SAMD4A: variants seen among roughly 807,000 people sequenced by gnomAD.
SAMD4A encodes sterile alpha motif domain containing 4A.
In SAMD4A, 33 loss-of-function variants were observed where a neutral mutation model predicts 81.3. The ratio of observed to expected loss-of-function variants is 0.41; its 90% CI spans 0.31 to 0.54. The LOEUF is 0.54. Among genes scored for constraint, SAMD4A ranks in the 20% least tolerant of loss-of-function variants. The probability of loss-of-function intolerance (pLI) is 0.37; values close to 1 mark genes in which losing one functional copy is unlikely to be tolerated. For missense variants in SAMD4A, 854 were observed against 951.1 expected (o/e 0.90, Z 1.34); for synonymous variants, 389 against 382.1 (o/e 1.02, Z -0.21).
chr14:54,566,371 C>G (rs1309872974), upstream of SAMD4A, among the ~76,000 whole-genome samples: 1 of 151,776 alleles, frequency 6.6e-6, no homozygotes, highest in African/African-American at 2.4e-5. Context: ...GGGTCCCCTC[C>G]CCGGGGGCTT....
chr14:54,606,233 G>A (rs1051470510), intron 2 of SAMD4A, among the ~76,000 whole-genome samples: 1 of 151,816 alleles, frequency 6.6e-6, no homozygotes, highest in African/African-American at 2.4e-5. Flanking sequence ...GCACGTGCAC[G>A]TGTGCGCTCA....
chr14:54,788,932 C>T lies in SAMD4A; in HGVS notation c.2145C>T (p.Thr715=), dbSNP rs533822905. 2 of 1,614,214 alleles carry T rather than the reference C, an allele frequency of 1.2e-6. No homozygotes were observed. Among genetic ancestry groups the T allele is most frequent in the African/African-American group, 1.3e-5 (1 of 75,058 alleles). The change falls in exon 13 of 13, where the codon ACC becomes ACT. Residue 715 remains threonine (T), a synonymous_variant. Coordinates refer to ENST00000554335, the MANE Select transcript of SAMD4A (RefSeq NM_015589.6). ...CTCTCCCAGACGGGGTTGACCGGAC[C>T]TCCACCATCTAGAAGCTGAAGACGA... ...EHALGDGVDR[T]STI
chr14:54,594,977 C>T (rs1261083163), intron 2 of SAMD4A, among the ~76,000 whole-genome samples: 2 of 152,128 alleles, frequency 1.3e-5, no homozygotes, highest in Admixed American at 1.3e-4. Flanking sequence ...ATAATGAAGA[C>T]AATGACATTT....
intron 2 of SAMD4A, among the ~76,000 whole-genome samples, chr14:54,585,265 C>G (rs548586332): frequency 7.2e-5 from 11 of 152,208 alleles, no homozygotes; most frequent in African/African-American, 2.6e-4. Context: ...TAAACCAAAC[C>G]CTTACACTTG....
chr14:54,626,059 T>TGTGTGTGTGCGCGCGC (rs368142521), intron 2 of SAMD4A, among the ~76,000 whole-genome samples: 8 of 102,096 alleles, frequency 7.8e-5, no homozygotes, highest in Non-Finnish European at 1.4e-4. Flanking sequence ...TGTGTGTGTG[T>TGTGTGTGTGCGCGCGC]GCGCGCGCGC....
At chr14:54,700,131 G>A (rs942218097) in intron 2 of SAMD4A, among the ~76,000 whole-genome samples, 2 of 152,102 alleles carry the variant, frequency 1.3e-5, no homozygotes, top group African/African-American at 4.8e-5. Flanking sequence ...CACCCACATT[G>A]CTCTAACATG....
At chr14:54,784,735 AG>A (rs2039090510) in intron 12 of SAMD4A, 115 bp downstream of exon 12, 1 of 888,652 alleles carries the variant, frequency 1.1e-6, no homozygotes. Flanking sequence ...GAGGACAAGG[AG>A]GGGTAGGCAG....
At chr14:54,711,858 G>A (rs781291470) in intron 3 of SAMD4A, among the ~76,000 whole-genome samples, 1 of 152,016 alleles carries the variant, frequency 6.6e-6, no homozygotes, top group Non-Finnish European at 1.5e-5. Context: ...GATCTGCTAC[G>A]GGAAAAAAAC....
intron 2 of SAMD4A, chr14:54,693,911 A>G (rs11627521): frequency 0.46 from 70,121 of 152,074 alleles, 17,555 homozygotes; most frequent in Non-Finnish European, 0.56. Flanking sequence ...GACAGATAAG[A>G]TCTCATTAGG....
chr14:54,748,687 G>T, intron 4 of SAMD4A, 128 bp from the exon 5 acceptor site: 4 of 644,492 alleles, frequency 6.2e-6, no homozygotes, highest in Non-Finnish European at 8.3e-6. Flanking sequence ...TAACATAAAG[G>T]TGTTACTTTT....
At chr14:54,662,494 C>G (rs2035665614) in intron 2 of SAMD4A, among the ~76,000 whole-genome samples, 2 of 151,364 alleles carry the variant, frequency 1.3e-5, no homozygotes, top group Admixed American at 1.3e-4. Flanking sequence ...ACTGCAACCT[C>G]CACCTCCCAG....
intron 3 of SAMD4A, among the ~76,000 whole-genome samples, chr14:54,708,651 G>A (rs904182024): frequency 6.6e-6 from 1 of 152,196 alleles, no homozygotes; most frequent in Admixed American, 6.5e-5. Context: ...AAACCCTTGA[G>A]GTTGGAGAAA....
chr14:54,590,611 C>T (rs1314629807), intron 2 of SAMD4A, among the ~76,000 whole-genome samples: 1 of 152,200 alleles, frequency 6.6e-6, no homozygotes, highest in East Asian at 1.9e-4. Context: ...CCTCTCCTCT[C>T]CTCTCTTCTC....
intron 4 of SAMD4A, among the ~76,000 whole-genome samples, chr14:54,741,216 C>A (rs1171543463): frequency 6.6e-6 from 1 of 152,166 alleles, no homozygotes; most frequent in East Asian, 1.9e-4. Flanking sequence ...TGCTCTGTTG[C>A]CTCTTGTCTC....
At chr14:54,604,817 A>G (rs2034155976) in intron 2 of SAMD4A, among the ~76,000 whole-genome samples, 1 of 152,278 alleles carries the variant, frequency 6.6e-6, no homozygotes, top group South Asian at 2.1e-4. Context: ...GATTAATAAG[A>G]TGAATGCCCC....
intron 2 of SAMD4A, 55 bp from the exon 3 acceptor site, chr14:54,702,007 T>C: frequency 1.3e-6 from 2 of 1,563,178 alleles, no homozygotes; most frequent in East Asian, 2.2e-5. Context: ...AGAGTATCTG[T>C]TTAGAGTCAC....
rs546054331 is a variant in SAMD4A at position 54,661,888 on chromosome 14, A to C, written c.197-40174A>C. On this transcript the variant is annotated intron_variant, in intron 2 of 12. Coordinates refer to ENST00000554335, the MANE Select transcript of SAMD4A (RefSeq NM_015589.6). Reference sequence around the variant, plus strand: ...GAGAGAGCAGAACTCACAGGTGTGCAGGCTAGGTAACAGGAATATATGCTT... The same window carrying C: ...GAGAGAGCAGAACTCACAGGTGTGCCGGCTAGGTAACAGGAATATATGCTT... Among the ~76,000 whole-genome samples the C allele has an allele frequency of 9.2e-5, 14 of 152,334 alleles. No individual in the cohort carries two copies. The South Asian group carries it at 2.9e-3, about 32-fold the overall frequency.
At chr14:54,707,313 A>G (rs553052862) in intron 3 of SAMD4A, among the ~76,000 whole-genome samples, 34 of 152,154 alleles carry the variant, frequency 2.2e-4, no homozygotes, top group Admixed American at 2.1e-3. Context: ...TGTGTTGCCC[A>G]GGCTGGTCTC....
chr14:54,746,862 G>A (rs906354460), intron 4 of SAMD4A, among the ~76,000 whole-genome samples: 2 of 152,232 alleles, frequency 1.3e-5, no homozygotes, highest in Non-Finnish European at 2.9e-5. Context: ...AATAGCAAAC[G>A]TGAAACCTGG....
Sources: allele counts gnomAD v4.1 joint callset (sites outside exome capture counted in the v4.1 genomes callset), GRCh38; gene constraint gnomAD v4.1.1; transcripts MANE v1.5; gene names NCBI Gene and HGNC (gene_info 2026-07-23, HGNC 2026-07-21).